PAX3: variants seen among roughly 807,000 people sequenced by gnomAD.
The protein encoded by PAX3 is paired box 3.
A neutral mutation model predicts 51.6 loss-of-function variants in PAX3; 14 were observed. That is an observed-to-expected ratio of 0.27 (90% CI 0.18 to 0.42). The LOEUF is 0.42. Ranked by LOEUF, PAX3 falls within the 10% of genes least tolerant of loss-of-function variation. The pLI is 1.00. For synonymous variants in PAX3, 280 were observed against 253.4 expected (o/e 1.11, Z -1.00); for missense variants, 540 against 642.8 (o/e 0.84, Z 1.73).
At position 222,298,572 on chromosome 2, in the gene PAX3, C is replaced by T; in HGVS notation, c.44G>A (p.Gly15Asp). ...GCTACGCGGGTAGTTCTGCCCCGGG[C>T]CCGGCCGCATCATCCTGGGCACAGC... ...AGAVPRMMRP[G>D]PGQNYPRSGF... Residue 15 changes from glycine (G) to aspartate (D), a missense_variant, in exon 1 of 9, where the codon GGC becomes GAC. Transcript: ENST00000392070. 6.2e-7 allele frequency: 1 copy of T among 1,608,324 alleles called. No individual in the cohort carries two copies. Among genetic ancestry groups the T allele is most frequent in the Non-Finnish European group, 8.5e-7 (1 of 1,177,826 alleles).
chr2:222,252,662 G>A (rs1023837036), intron 4 of PAX3, among the ~76,000 whole-genome samples: 9 of 152,024 alleles, frequency 5.9e-5, no homozygotes, highest in Middle Eastern at 3.2e-3. Context: ...GCCCTATCTC[G>A]TGTTATTCTC....
At chr2:222,230,934 GTC>G (rs1340000317) in intron 5 of PAX3, among the ~76,000 whole-genome samples, 3 of 149,426 alleles carry the variant, frequency 2.0e-5, no homozygotes, top group Non-Finnish European at 4.4e-5. Flanking sequence ...CACTTATCAT[GTC>G]TGTGTTATTT....
In PAX3 at chr2:222,232,220, C is replaced by T. The variant is rs1311226697; in HGVS notation, c.650G>A (p.Arg217Lys). Residue 217 changes from arginine (R) to lysine (K), a missense_variant, in exon 5 of 9, where the codon AGG becomes AAG. Coordinates refer to ENST00000392070, the MANE Select transcript of PAX3 (RefSeq NM_181458.4). Reference sequence around the variant, plus strand: ...GGTGGTTCGGCTTCTGCGCTGTTTCCTCTTTAGTGGTAAATCTGGTTCAGA... The same window carrying T: ...GGTGGTTCGGCTTCTGCGCTGTTTCTTCTTTAGTGGTAAATCTGGTTCAGA... ...IDSEPDLPLK[R>K]KQRRSRTTFT... is the part of the protein sequence containing the mutation. The T allele has an allele frequency of 9.3e-6, 15 of 1,614,046 alleles. No individual in the cohort carries two copies. Among genetic ancestry groups the T allele is most frequent in the Non-Finnish European group, 1.3e-5 (15 of 1,179,970 alleles).
intron 4 of PAX3, among the ~76,000 whole-genome samples, chr2:222,253,998 T>C (rs60661183): frequency 0.11 from 17,451 of 152,236 alleles, 1,224 homozygotes; most frequent in East Asian, 0.32. Flanking sequence ...CATTCATTTA[T>C]TCACCAAATA....
chr2:222,272,003 A>C (rs535519878), intron 4 of PAX3, among the ~76,000 whole-genome samples: 20 of 152,264 alleles, frequency 1.3e-4, no homozygotes, highest in South Asian at 2.1e-4. Flanking sequence ...CTCTCTCCTG[A>C]AGGTTTCACT....
chr2:222,255,917 A>ATTTTTTTTTTTTTTT (rs57757180), intron 4 of PAX3, among the ~76,000 whole-genome samples: 237 of 98,312 alleles, frequency 2.4e-3, no homozygotes, highest in Middle Eastern at 7.8e-3. Context: ...CGCCCAGCTA[A>ATTTTTTTTTTTTTTT]TTTTTTTTTT....
At chr2:222,211,834 C>T (rs1336066208) in intron 7 of PAX3, among the ~76,000 whole-genome samples, 2 of 152,128 alleles carry the variant, frequency 1.3e-5, no homozygotes, top group Admixed American at 6.5e-5. Context: ...AATGTGCACT[C>T]GTACACTGAA....
chr2:222,205,657 T>C (rs974166526), intron 7 of PAX3, among the ~76,000 whole-genome samples: 1 of 152,186 alleles, frequency 6.6e-6, no homozygotes, highest in African/African-American at 2.4e-5. Context: ...TATTTCACAC[T>C]GAGAAAACTT....
chr2:222,290,615 C>A (rs919317683), intron 4 of PAX3, among the ~76,000 whole-genome samples: 2 of 152,222 alleles, frequency 1.3e-5, no homozygotes, highest in Non-Finnish European at 2.9e-5. Context: ...GCTGCTACAA[C>A]AAGTCAGTAA....
intron 4 of PAX3, among the ~76,000 whole-genome samples, chr2:222,258,749 T>C (rs1383325180): frequency 6.6e-6 from 1 of 152,232 alleles, no homozygotes; most frequent in African/African-American, 2.4e-5. Flanking sequence ...AATTACAGAA[T>C]ATATGGCATA....
At chr2:222,260,411 T>C (rs1693799936) in intron 4 of PAX3, among the ~76,000 whole-genome samples, 1 of 152,112 alleles carries the variant, frequency 6.6e-6, no homozygotes, top group African/African-American at 2.4e-5. Context: ...TGATCACTGC[T>C]GGATGATCAT....
intron 7 of PAX3, among the ~76,000 whole-genome samples, chr2:222,216,517 G>A (rs1691964413): frequency 6.6e-6 from 1 of 152,130 alleles, no homozygotes; most frequent in African/African-American, 2.4e-5. Flanking sequence ...TGACCATCTG[G>A]ACAGGTGTGA....
At chr2:222,225,464 C>A (rs1692349607) in intron 5 of PAX3, among the ~76,000 whole-genome samples, 1 of 152,076 alleles carries the variant, frequency 6.6e-6, no homozygotes, top group Non-Finnish European at 1.5e-5. Flanking sequence ...TATGAGTAAG[C>A]AAACCAGTTT....
At chr2:222,250,512 G>C (rs16863571) in intron 4 of PAX3, among the ~76,000 whole-genome samples, 1 of 151,934 alleles carries the variant, frequency 6.6e-6, no homozygotes, top group East Asian at 1.9e-4. Flanking sequence ...CAGAAACTTC[G>C]AAAAAGGTAT....
rs1395304625 is a variant in PAX3, at chr2:222,235,454, T to C, written c.587-3171A>G. ...TCCTCTTATGACATCTCCCAACATC[T>C]ATTCAGATGGGCTTTGGAAGTCTGT... On this transcript the variant is annotated intron_variant, in intron 4 of 8. Transcript: ENST00000392070. Among the ~76,000 whole-genome samples, 4 of 152,222 alleles carry C rather than the reference T, an allele frequency of 2.6e-5. No individual in the cohort carries two copies. In the East Asian group the frequency reaches 7.7e-4, roughly 29 times the overall value.
intron 4 of PAX3, among the ~76,000 whole-genome samples, chr2:222,260,577 T>G (rs569095538): frequency 3.4e-4 from 27 of 79,118 alleles, no homozygotes; most frequent in African/African-American, 7.6e-4. Context: ...TTTTTTTTTT[T>G]GTTTTTTTTT....
At chr2:222,282,184 C>T (rs1694670569) in intron 4 of PAX3, among the ~76,000 whole-genome samples, 1 of 152,042 alleles carries the variant, frequency 6.6e-6, no homozygotes, top group Non-Finnish European at 1.5e-5. Context: ...TATTCGCTGG[C>T]AATCATAGCT....
At chr2:222,291,305 G>A (rs1226379654) in intron 4 of PAX3, among the ~76,000 whole-genome samples, 2 of 152,220 alleles carry the variant, frequency 1.3e-5, no homozygotes, top group Admixed American at 1.3e-4. Context: ...CGGGGTTCGT[G>A]TTAGTGAACC....
At chr2:222,298,170 TTTCGAGACAAC>T in intron 1 of PAX3, 1 of 310,382 alleles carries the variant, frequency 3.2e-6, no homozygotes, top group South Asian at 5.8e-5. Context: ...GCCGGGACAA[TTTCGAGACAAC>T]TTCGAGACAA....
Sources: allele counts gnomAD v4.1 joint callset (sites outside exome capture counted in the v4.1 genomes callset), GRCh38; gene constraint gnomAD v4.1.1; transcripts MANE v1.5; gene names NCBI Gene and HGNC (gene_info 2026-07-23, HGNC 2026-07-21).